Variants in DLX2 observed in about 807,000 individuals in gnomAD.
DLX2 encodes the protein distal-less homeobox 2, also known as homeobox protein DLX-2.
A neutral mutation model predicts 27.4 loss-of-function variants in DLX2; 8 were observed. That is an observed-to-expected ratio of 0.29 (90% CI 0.17 to 0.53). DLX2 has a LOEUF of 0.53. Among genes scored for constraint, DLX2 ranks in the 20% least tolerant of loss-of-function variants. DLX2 has a pLI of 0.96. For missense variants in DLX2, 421 were observed against 450.9 expected, an observed-to-expected ratio of 0.93 and a Z score of 0.60; for synonymous variants, 210 against 200.8, an observed-to-expected ratio of 1.05 and a Z score of -0.39.
At position 172,102,196 on chromosome 2, in the gene DLX2, C is replaced by A; in HGVS notation, c.343G>T (p.Ala115Ser). ...CCATAGGGAGCGTAGGAGGTGTAGG[C>A]GGCGGTGTAGCCCAGGTCATAGCTG... is the stretch of plus-strand genomic sequence containing the variant. ...KSSYDLGYTA[A>S]YTSYAPYGTS... The change falls in exon 1 of 3, where the codon GCC (alanine) becomes TCC (serine). Residue 115 changes from alanine (A) to serine (S), a missense_variant. Transcript: ENST00000234198. The A allele has an allele frequency of 5.0e-6, 8 of 1,612,432 alleles. No individual in the cohort carries two copies. Among genetic ancestry groups the A allele is most frequent in the Non-Finnish European group, 6.8e-6 (8 of 1,179,312 alleles).
At position 172,102,654 on chromosome 2, in the gene DLX2, G is replaced by T. The variant is rs1393413273; in HGVS notation, c.-116C>A. 1 of 1,126,878 alleles carries T rather than the reference G, an allele frequency of 8.9e-7. No individual in the cohort carries two copies. The highest frequency in any genetic ancestry group is 1.6e-5 in the African/African-American group (1 of 62,092). 69.8% of individuals were successfully genotyped at this position (1,126,878 alleles called of 1,614,324 possible). On this transcript the variant is annotated 5_prime_UTR_variant, in exon 1 of 3. Coordinates refer to ENST00000234198, the MANE Select transcript of DLX2 (RefSeq NM_004405.4). The stretch of plus-strand genomic sequence containing the variant: ...ATGTAATTACGGGGGTGGTGGTGGG[G>T]AAACAAGAAAGGAGGCAACCGTCTA...
rs562271822 is a variant in DLX2, at chr2:172,102,716, C to T, written c.-178G>A. 1.4e-4 allele frequency: 84 copies of T among 608,046 alleles called. No individual in the cohort carries two copies. In the African/African-American group the frequency reaches 1.4e-3, roughly 10 times the overall value. 37.7% of individuals were successfully genotyped at this position (608,046 alleles called of 1,614,324 possible). ...CTCCGGGGGAGGCGATCACCGTGCG[C>T]TGCTCGGGACAGCTGCCTCTGGTCG... On this transcript the variant is annotated 5_prime_UTR_variant, in exon 1 of 3. Coordinates refer to ENST00000234198, the MANE Select transcript of DLX2 (RefSeq NM_004405.4).
Position 172,100,752 on chromosome 2 carries a change from T to G in DLX2, c.778A>C (p.Ser260Arg). Residue 260 changes from serine (S) to arginine (R), a missense_variant, in exon 3 of 3, where the codon AGC becomes CGC. Ser to Arg is a moderately radical substitution (Grantham distance 110). Coordinates refer to ENST00000234198, the MANE Select transcript of DLX2 (RefSeq NM_004405.4). This position sits in a 1 kb window ranked among gnomAD's most constrained non-coding sequence, Gnocchi z 4.5. ...AGGGGPGSGG[S>R]GAGSSGSSPS... ...CTGGAGCCCGAGCTGCCGGCGCCGCTGCCGCCACTGCCCGGACCACCGCCG... is the reference window on the plus strand; with the variant it reads ...CTGGAGCCCGAGCTGCCGGCGCCGCGGCCGCCACTGCCCGGACCACCGCCG... The G allele has an allele frequency of 6.4e-7, 1 of 1,556,654 alleles. No individual in the cohort carries two copies. Among genetic ancestry groups the G allele is most frequent in the South Asian group, 1.2e-5 (1 of 86,066 alleles).
Position 172,102,511 on chromosome 2 carries a change from C to T in DLX2, c.28G>A (p.Ala10Thr). 6.5e-7 allele frequency: 1 copy of T among 1,546,490 alleles called. No individual in the cohort carries two copies. Among genetic ancestry groups the T allele is most frequent in the Non-Finnish European group, 8.7e-7 (1 of 1,145,688 alleles). MTGVFDSLV[A>T]DMHSTQIAAS... The stretch of plus-strand genomic sequence containing the variant: ...GCGATCTGGGTCGAGTGCATATCAG[C>T]CACTAGACTGTCAAAGACTCCAGTC... Residue 10 changes from alanine to threonine, a missense_variant, in exon 1 of 3, where the codon GCT becomes ACT. Ala to Thr is a moderately conservative substitution (Grantham distance 58, BLOSUM62 0). Around this residue, in one of 5 missense-constraint regions of DLX2, gnomAD observed 53 missense variants for 59.5 expected, o/e 0.89. Coordinates refer to ENST00000234198, the MANE Select transcript of DLX2 (RefSeq NM_004405.4).
Position 172,100,445 on chromosome 2 carries a change from G to T in DLX2, c.*98C>A. On this transcript the variant is annotated 3_prime_UTR_variant, in exon 3 of 3. Coordinates refer to ENST00000234198, the MANE Select transcript of DLX2 (RefSeq NM_004405.4). The surrounding 1 kb of genome is among the most constrained non-coding windows in gnomAD (Gnocchi z 4.5). ...CAGGTCGCAGCCTGCAGGAGAGGTG[G>T]GTGGCGGCAGCGGGCCGGGAGGAGG... is the stretch of plus-strand genomic sequence containing the variant. 7.5e-7 allele frequency: 1 copy of T among 1,337,964 alleles called. No homozygotes were observed. Among genetic ancestry groups the T allele is most frequent in the Non-Finnish European group, 1.0e-6 (1 of 1,000,816 alleles). 82.9% of individuals were successfully genotyped at this position (1,337,964 alleles called of 1,614,324 possible).
At position 172,102,721 on chromosome 2, in the gene DLX2, C is replaced by G. The variant is rs899527044; in HGVS notation, c.-183G>C. On this transcript the variant is annotated 5_prime_UTR_variant, in exon 1 of 3. Coordinates refer to ENST00000234198, the MANE Select transcript of DLX2 (RefSeq NM_004405.4). ...GGGGAGGCGATCACCGTGCGCTGCT[C>G]GGGACAGCTGCCTCTGGTCGCATCC... 1.9e-5 allele frequency: 11 copies of G among 574,978 alleles called. No homozygotes were observed. Among genetic ancestry groups the G allele is most frequent in the Non-Finnish European group, 3.2e-5 (11 of 339,530 alleles). The allele number at this position is 574,978 out of a possible 1,614,324, so 35.6% of individuals were successfully genotyped here. A position where few individuals can be genotyped will look rare whatever the true frequency, so the allele number is the denominator to read the frequency against.
At chr2:172,101,948 C>G (rs572752340) in intron 1 of DLX2, among the ~76,000 whole-genome samples, 191 bp downstream of exon 1, 1 of 152,254 alleles carries the variant, frequency 6.6e-6, no homozygotes, top group South Asian at 2.1e-4. Flanking sequence ...CAGGTCCTAC[C>G]AAAGGAGAGA....
In DLX2 at chr2:172,102,459, T is replaced by C; in HGVS notation, c.80A>G (p.Gln27Arg). 1.9e-6 allele frequency: 3 copies of C among 1,549,790 alleles called. No individual in the cohort carries two copies. Among genetic ancestry groups the C allele is most frequent in the Non-Finnish European group, 1.7e-6 (2 of 1,146,628 alleles). Residue 27 changes from glutamine (Q) to arginine (R), a missense_variant, in exon 1 of 3, where the codon CAG (glutamine) becomes CGG (arginine). Physicochemically the swap from Gln to Arg is conservative, Grantham distance 43 (BLOSUM62 1). Around this residue, in one of 5 missense-constraint regions of DLX2, gnomAD observed 53 missense variants for 59.5 expected, o/e 0.89. Coordinates refer to ENST00000234198, the MANE Select transcript of DLX2 (RefSeq NM_004405.4). ...GGCGCCGCCGCCGCTCGGGGGCTGC[T>C]GGTGCTGGTGGTACGTGCTGGAGGC... ...IAASSTYHQHQQPPSGGGAGP... is the reference protein window; with the variant it reads ...IAASSTYHQHRQPPSGGGAGP...
chr2:172,102,101 G>C (rs753018341), intron 1 of DLX2, 38 bp downstream of exon 1: 4 of 1,591,160 alleles, frequency 2.5e-6, no homozygotes, highest in Non-Finnish European at 3.4e-6. Flanking sequence ...CCATTAACTA[G>C]ACCGACTCGG....
At position 172,102,573 on chromosome 2, in the gene DLX2, G is replaced by C. The variant is rs2105534653; in HGVS notation, c.-35C>G. On this transcript the variant is annotated 5_prime_UTR_variant, in exon 1 of 3. Transcript: ENST00000234198. The stretch of plus-strand genomic sequence containing the variant: ...AGACGGGAAAGAGCAGAGGTGGCGG[G>C]CGTGCGGGGGAAGCCAGGCGCCTCC... 1 of 1,482,290 alleles carries C rather than the reference G, an allele frequency of 6.7e-7. No homozygotes were observed. Among genetic ancestry groups the C allele is most frequent in the Middle Eastern group, 2.5e-4 (1 of 4,056 alleles). 91.8% of individuals were successfully genotyped at this position (1,482,290 alleles called of 1,614,324 possible). A position where few individuals can be genotyped will look rare whatever the true frequency, so the allele number is the denominator to read the frequency against.
At chr2:172,101,123 T>C in intron 2 of DLX2, 179 bp from the exon 3 acceptor site, 1 of 684,592 alleles carries the variant, frequency 1.5e-6, no homozygotes, top group East Asian at 2.8e-5. Context: ...TCCTGCTCCC[T>C]GGGGAGGTAA....
rs1441939789 is a variant in DLX2 at position 172,099,489 on chromosome 2, A to G, written c.*1054T>C. 1 of 152,690 alleles carries G rather than the reference A, an allele frequency of 6.5e-6. No homozygotes were observed. The highest frequency in any genetic ancestry group is 1.9e-4 in the East Asian group (1 of 5,202). 9.5% of individuals were successfully genotyped at this position (152,690 alleles called of 1,614,324 possible). ...ATAATCTCTTCATATTGTAAAATCAACATTAAGAGCATGTTGTTTTCATAA... is the reference window on the plus strand; with the variant it reads ...ATAATCTCTTCATATTGTAAAATCAGCATTAAGAGCATGTTGTTTTCATAA... On this transcript the variant is annotated 3_prime_UTR_variant, in exon 3 of 3. Coordinates refer to ENST00000234198, the MANE Select transcript of DLX2 (RefSeq NM_004405.4).
In DLX2 at chr2:172,100,614, G is replaced by A; in HGVS notation, c.916C>T (p.Pro306Ser). 6.4e-7 allele frequency: 1 copy of A among 1,570,456 alleles called. No homozygotes were observed. The highest frequency in any genetic ancestry group is 8.6e-7 in the Non-Finnish European group (1 of 1,163,054). The change falls in exon 3 of 3, where the codon CCG (proline) becomes TCG (serine). Residue 306 changes from proline (P) to serine (S), a missense_variant. This residue lies in a region of DLX2 where 185 missense variants were observed against 171.1 expected (regional missense o/e 1.08). Transcript: ENST00000234198. This position sits in a 1 kb window ranked among gnomAD's most constrained non-coding sequence, Gnocchi z 4.5. ...TAPLLHPTQT[P>S]QPHHHHHHHG... ...TGGTGGTGGTGGTGATGCGGCTGCG[G>A]GGTCTGAGTGGGGTGCAGCAGCGGC...
At chr2:172,101,049 T>G (rs1574162659) in intron 2 of DLX2, 105 bp from the exon 3 acceptor site, 1 of 1,305,078 alleles carries the variant, frequency 7.7e-7, no homozygotes, top group Non-Finnish European at 1.1e-6. Flanking sequence ...TGGCTAGCGG[T>G]GGGCAGCGAG....
Position 172,102,353 on chromosome 2 carries a change from G to T in DLX2, c.186C>A (p.Thr62=), listed in dbSNP as rs1289463947. ...ESPTLPVSTA[T]DSSYYTNQQH... is the part of the protein sequence containing the mutation. ...GCTGGTTGGTGTAGTAGCTGCTGTC[G>T]GTGGCGGTGGACACCGGAAGGGTGG... The change falls in exon 1 of 3, where the codon ACC becomes ACA. Residue 62 remains threonine, a synonymous_variant. Coordinates refer to ENST00000234198, the MANE Select transcript of DLX2 (RefSeq NM_004405.4). 6.3e-7 allele frequency: 1 copy of T among 1,583,722 alleles called. No individual in the cohort carries two copies.
rs1167847195 is a variant in DLX2, at chr2:172,102,588, C to A, written c.-50G>T. ...GAGGTGGCGGGCGTGCGGGGGAAGCCAGGCGCCTCCTCTGTCTCTCCCGGT... is the reference window on the plus strand; with the variant it reads ...GAGGTGGCGGGCGTGCGGGGGAAGCAAGGCGCCTCCTCTGTCTCTCCCGGT... On this transcript the variant is annotated 5_prime_UTR_variant, in exon 1 of 3. Transcript: ENST00000234198. 1 of 1,457,844 alleles carries A rather than the reference C, an allele frequency of 6.9e-7. No homozygotes were observed. Among genetic ancestry groups the A allele is most frequent in the African/African-American group, 1.4e-5 (1 of 69,500 alleles). The allele number at this position is 1,457,844 out of a possible 1,614,324, so 90.3% of individuals were successfully genotyped here.
chr2:172,101,749 G>T, intron 1 of DLX2, 103 bp from the exon 2 acceptor site: 1 of 1,282,794 alleles, frequency 7.8e-7, no homozygotes, highest in Admixed American at 2.1e-5. Context: ...GCAAAGAGGT[G>T]GGTGCACTGA....
In DLX2 at chr2:172,102,281, G is replaced by C; in HGVS notation, c.258C>G (p.His86Gln). ...TGGCTTGGTACTGGTAGGAACCCATGTGCGCGTAGGGCGAGCCCCCGCCGC... is the reference window on the plus strand; with the variant it reads ...TGGCTTGGTACTGGTAGGAACCCATCTGCGCGTAGGGCGAGCCCCCGCCGC... The part of the protein sequence containing the change: ...GGGGGGSPYA[H>Q]MGSYQYQASG... Residue 86 changes from histidine to glutamine, a missense_variant, in exon 1 of 3, where the codon CAC becomes CAG. This residue lies in a region of DLX2 where 141 missense variants were observed against 123.5 expected (regional missense o/e 1.14). Coordinates refer to ENST00000234198, the MANE Select transcript of DLX2 (RefSeq NM_004405.4). 1 of 1,613,612 alleles carries C rather than the reference G, an allele frequency of 6.2e-7. No homozygotes were observed. Among genetic ancestry groups the C allele is most frequent in the East Asian group, 2.2e-5 (1 of 44,842 alleles).
rs564867492 is a variant in DLX2, at chr2:172,101,616, A to C, written c.431T>G (p.Ile144Arg). Residue 144 changes from isoleucine (I) to arginine (R), a missense_variant, in exon 2 of 3, where the codon ATA becomes AGA. By Grantham distance (97) the Ile-to-Arg change is moderately conservative (BLOSUM62 -3). Transcript: ENST00000234198. ...EKEDLEPEIR[I>R]VNGKPKKVRK... is the part of the protein sequence containing the mutation. ...GACTTTCTTTGGCTTCCCGTTCACT[A>C]TCCGAATTTCAGGCTCAAGGTCCTC... The C allele has an allele frequency of 2.5e-6, 4 of 1,614,222 alleles. No homozygotes were observed. In the African/African-American group the frequency reaches 5.3e-5, roughly 22 times the overall value.
Sources: allele counts gnomAD v4.1 joint callset (sites outside exome capture counted in the v4.1 genomes callset), GRCh38; gene constraint gnomAD v4.1.1; regional missense constraint gnomAD v4.1.1; non-coding constraint Gnocchi (gnomAD v3.1); transcripts MANE v1.5; gene names NCBI Gene and HGNC (gene_info 2026-07-23, HGNC 2026-07-21).